PCLO: variants seen among roughly 807,000 people sequenced by gnomAD.
The protein encoded by PCLO is piccolo presynaptic cytomatrix protein.
PCLO carries 82 observed loss-of-function variants against 427.5 expected under a neutral mutation model. The observed-to-expected ratio is 0.19, with a 90% CI of 0.16 to 0.23. The LOEUF (loss-of-function observed/expected upper bound fraction) is 0.23. PCLO is among the 10% of genes least tolerant of loss of function. PCLO has a pLI of 1.00. For missense variants in PCLO, 6,239 were observed against 6,115.9 expected (o/e 1.02, Z -0.67); for synonymous variants, 2,357 against 2,155.4 (o/e 1.09, Z -2.59).
intron 15 of PCLO, among the ~76,000 whole-genome samples, chr7:82,836,131 C>T (rs746264914): frequency 7.9e-5 from 12 of 152,092 alleles, no homozygotes; most frequent in Non-Finnish European, 1.3e-4. Flanking sequence ...CCTGTCCTTC[C>T]TGGTTCTTTA....
chr7:83,151,231 G>A (rs766494854), intron 2 of PCLO, among the ~76,000 whole-genome samples: 1 of 152,094 alleles, frequency 6.6e-6, no homozygotes, highest in African/African-American at 2.4e-5. Flanking sequence ...AAAATGAAAC[G>A]ATATCACTAA....
intron 9 of PCLO, among the ~76,000 whole-genome samples, chr7:82,881,902 C>T (rs1793516953): frequency 6.6e-6 from 1 of 152,018 alleles, no homozygotes; most frequent in African/African-American, 2.4e-5. Context: ...CTCAGCCTTC[C>T]AAAAGTTCTG....
In PCLO at chr7:83,141,803, G is replaced by C. The variant is rs1358149930; in HGVS notation, c.1894-6147C>G. Among the ~76,000 whole-genome samples, 3 of 152,078 alleles carry C rather than the reference G, an allele frequency of 2.0e-5. 1 individual carries two copies. The East Asian group carries it at 5.8e-4, about 29-fold the overall frequency. ...TTTAATTGTGAACTTCACATAAAGA[G>C]TATCAATTAATGGTGCCCTTTTCAA... On this transcript the variant is annotated intron_variant, in intron 2 of 24. Transcript: ENST00000333891.
At chr7:83,001,149 A>G (rs991281400) in intron 3 of PCLO, among the ~76,000 whole-genome samples, 4 of 152,056 alleles carry the variant, frequency 2.6e-5, no homozygotes, top group African/African-American at 7.2e-5. Flanking sequence ...TGACAAACTT[A>G]CTGCAGACAC....
In PCLO at chr7:82,755,548, T is replaced by C. The variant is rs1209279330; in HGVS notation, c.*3027A>G. ...ACCAAGAAGCAACATCAGTCTCTGA[T>C]GACTCAATGAAATTGTGGGAAAAAC... On this transcript the variant is annotated 3_prime_UTR_variant, in exon 25 of 25. Transcript: ENST00000333891. 2 of 152,148 alleles carry C rather than the reference T, an allele frequency of 1.3e-5. No individual in the cohort carries two copies. The highest frequency in any genetic ancestry group is 4.8e-5 in the African/African-American group (2 of 41,440). 9.4% of individuals were successfully genotyped at this position (152,148 alleles called of 1,614,324 possible).
At chr7:82,849,813 A>C (rs116621004) in intron 10 of PCLO, among the ~76,000 whole-genome samples, 194 of 152,214 alleles carry the variant, frequency 1.3e-3, no homozygotes, top group African/African-American at 4.6e-3. Flanking sequence ...TAGTCTCAAA[A>C]CAGCTTTTCA....
intron 9 of PCLO, among the ~76,000 whole-genome samples, chr7:82,883,857 G>A (rs565121146): frequency 6.6e-5 from 10 of 152,086 alleles, no homozygotes; most frequent in African/African-American, 1.4e-4. Flanking sequence ...TGCAACCTCC[G>A]CCTCCAGGCT....
At chr7:82,991,113 C>G (rs1796366300) in intron 3 of PCLO, among the ~76,000 whole-genome samples, 1 of 152,060 alleles carries the variant, frequency 6.6e-6, no homozygotes, top group Admixed American at 6.6e-5. Flanking sequence ...TCTAAGAATT[C>G]TTTCTATCCA....
At chr7:82,968,668 C>T (rs921818546) in intron 3 of PCLO, among the ~76,000 whole-genome samples, 8 of 151,786 alleles carry the variant, frequency 5.3e-5, no homozygotes, top group South Asian at 2.1e-4. Flanking sequence ...TACAGGTACA[C>T]GCCACCATAC....
At chr7:82,793,774 C>T (rs930159838) in intron 22 of PCLO, among the ~76,000 whole-genome samples, 2 of 152,088 alleles carry the variant, frequency 1.3e-5, no homozygotes, top group Admixed American at 6.6e-5. Context: ...TTTAGATTCT[C>T]CTTATCTCAT....
intron 3 of PCLO, among the ~76,000 whole-genome samples, chr7:83,004,628 TA>T (rs1427858027): frequency 3.3e-5 from 3 of 90,320 alleles, no homozygotes; most frequent in Non-Finnish European, 6.2e-5. Context: ...TTTTTAGATA[TA>T]ACACTAAAAA....
chr7:82,887,977 G>A (rs1793667218), intron 9 of PCLO, among the ~76,000 whole-genome samples: 1 of 152,022 alleles, frequency 6.6e-6, no homozygotes, highest in Admixed American at 6.6e-5. Context: ...GGCTGAGGCA[G>A]GAGAATCACT....
At chr7:82,796,915 C>T (rs117019134) in intron 22 of PCLO, among the ~76,000 whole-genome samples, 61 of 151,218 alleles carry the variant, frequency 4.0e-4, no homozygotes, top group Non-Finnish European at 8.0e-4. Flanking sequence ...TAGATACACT[C>T]ATATATAGCA....
chr7:82,999,546 TATA>T (rs1270451891), intron 3 of PCLO, among the ~76,000 whole-genome samples: 2 of 67,518 alleles, frequency 3.0e-5, no homozygotes, highest in Admixed American at 2.4e-4. Context: ...AAATATAAAA[TATA>T]ATATTATATT....
intron 3 of PCLO, among the ~76,000 whole-genome samples, chr7:83,024,026 T>G (rs1788413206): frequency 6.6e-6 from 1 of 152,232 alleles, no homozygotes; most frequent in Non-Finnish European, 1.5e-5. Flanking sequence ...TATTGCTTAC[T>G]GGCTTTGGGC....
chr7:83,081,791 C>G (rs1790107479), intron 3 of PCLO, among the ~76,000 whole-genome samples: 1 of 151,634 alleles, frequency 6.6e-6, no homozygotes, highest in Non-Finnish European at 1.5e-5. Context: ...TATCACTAAT[C>G]TATTCTTTGC....
chr7:82,810,036 C>T (rs1385755450), intron 20 of PCLO, among the ~76,000 whole-genome samples: 1 of 151,524 alleles, frequency 6.6e-6, no homozygotes, highest in Admixed American at 6.6e-5. Context: ...TGTAGAGTAA[C>T]ATTCTGTGGG....
intron 3 of PCLO, among the ~76,000 whole-genome samples, chr7:83,083,019 A>C (rs1790142029): frequency 6.6e-6 from 1 of 151,752 alleles, no homozygotes; most frequent in African/African-American, 2.4e-5. Context: ...CAGTGGGGAC[A>C]AAAACTTACT....
intron 23 of PCLO, among the ~76,000 whole-genome samples, 184 bp downstream of exon 23, chr7:82,761,175 T>C (rs758132529): frequency 4.0e-5 from 6 of 151,856 alleles, no homozygotes; most frequent in Non-Finnish European, 8.8e-5. Context: ...TATAACACTA[T>C]AATGTATATG....
Sources: allele counts gnomAD v4.1 joint callset (sites outside exome capture counted in the v4.1 genomes callset), GRCh38; gene constraint gnomAD v4.1.1; transcripts MANE v1.5; gene names NCBI Gene and HGNC (gene_info 2026-07-23, HGNC 2026-07-21).